IL13RA2: variants seen among roughly 807,000 people sequenced by gnomAD.
The protein encoded by IL13RA2 is interleukin-13 receptor subunit alpha-2.
In IL13RA2, 25 loss-of-function variants were observed where a neutral mutation model predicts 34.1. That is an observed-to-expected ratio of 0.73 (90% CI 0.53 to 1.03). The LOEUF (loss-of-function observed/expected upper bound fraction) is 1.03. Among genes scored for constraint, IL13RA2 ranks in the 50% least tolerant of loss-of-function variants. The pLI, the probability that IL13RA2 is intolerant of heterozygous loss-of-function variation, is 0.00. For missense variants in IL13RA2, 297 were observed against 280.9 expected (o/e 1.06, Z -0.41); for synonymous variants, 106 against 100.4 (o/e 1.06, Z -0.33).
At chrX:115,009,991 TACTAC>T (rs1255462425) in intron 6 of IL13RA2, among the ~76,000 whole-genome samples, 1 of 112,015 alleles carries the variant, frequency 8.9e-6, no homozygotes, top group African/African-American at 3.2e-5. Flanking sequence ...TCAACAATAC[TACTAC>T]TTTTACAAAT....
chrX:115,016,044 C>G (rs2071725983), intron 2 of IL13RA2, among the ~76,000 whole-genome samples: 1 of 111,611 alleles, frequency 9.0e-6, no homozygotes, highest in Admixed American at 9.6e-5. Flanking sequence ...AGAAGCCAGA[C>G]ACAAAAGACC....
rs1556510398 is a variant in IL13RA2, at chrX:115,017,279, A to G, written c.-10T>C. 6.6e-6 allele frequency: 5 copies of G among 755,511 alleles called. No individual in the cohort carries two copies. The highest frequency in any genetic ancestry group is 1.0e-5 in the Non-Finnish European group (5 of 482,432). 62.3% of individuals were successfully genotyped at this position (755,511 alleles called of 1,213,427 possible). A position where few individuals can be genotyped will look rare whatever the true frequency, so the allele number is the denominator to read the frequency against. On this transcript the variant is annotated 5_prime_UTR_variant, in exon 2 of 10. Transcript: ENST00000243213. ...AGCAAACGAAAGCCATTTCTCCGAG[A>G]TTTAAAACCTTGATATTGCCTCTCT...
At chrX:115,011,697 G>A (rs1255530637) in intron 5 of IL13RA2, among the ~76,000 whole-genome samples, 1 of 111,870 alleles carries the variant, frequency 8.9e-6, no homozygotes, top group Non-Finnish European at 1.9e-5. Flanking sequence ...GTTGTCTCTT[G>A]GTTAGTTCAC....
At chrX:115,008,847 T>C (rs1046695036) in intron 7 of IL13RA2, among the ~76,000 whole-genome samples, 5 of 111,908 alleles carry the variant, frequency 4.5e-5, no homozygotes, top group African/African-American at 1.6e-4. Context: ...GGGAACCAGA[T>C]CTGATATCTA....
intron 9 of IL13RA2, among the ~76,000 whole-genome samples, chrX:115,004,497 C>T (rs2071677346): frequency 9.4e-6 from 1 of 106,886 alleles, no homozygotes; most frequent in Non-Finnish European, 1.9e-5. Context: ...GTCCCAGCTA[C>T]CCAGGAGGCT....
At chrX:115,006,073 T>C (rs782750503) in intron 8 of IL13RA2, among the ~76,000 whole-genome samples, 3 of 111,795 alleles carry the variant, frequency 2.7e-5, no homozygotes, top group Non-Finnish European at 5.6e-5. Context: ...TTCCTCACGA[T>C]CTTGTTTTCT....
Position 115,010,786 on chromosome X carries a change from G to T in IL13RA2, c.564C>A (p.Ile188=). 1 of 1,135,347 alleles carries T rather than the reference G, an allele frequency of 8.8e-7. No homozygotes were observed. The allele number at this position is 1,135,347 out of a possible 1,213,427, so 93.6% of individuals were successfully genotyped here. A position where few individuals can be genotyped will look rare whatever the true frequency, so the allele number is the denominator to read the frequency against. Residue 188 remains isoleucine, a synonymous_variant, in exon 6 of 10, where the codon ATC becomes ATA. Transcript: ENST00000243213. ...ATCCTATATTTTGTCCATCAGCCTT[G>T]ATGTAATCAACACACTGTAATGCAT... ...LDHALQCVDY[I]KADGQNIGCR...
chrX:115,005,271 A>C lies in IL13RA2; in HGVS notation c.1042T>G (p.Phe348Val), dbSNP rs1043883437. Residue 348 changes from phenylalanine (F) to valine (V), a missense_variant, in exon 9 of 10, where the codon TTT (phenylalanine) becomes GTT (valine). Physicochemically the swap from Phe to Val is conservative, Grantham distance 50. Coordinates refer to ENST00000243213, the MANE Select transcript of IL13RA2 (RefSeq NM_000640.3). ...ATAACTAATATTAAGATGAAACCAA[A>C]TGGTAGCCAGAAACGTAGCAAAGTT... ...KKTLLRFWLP[F>V]GFILILVIFV... 2.6e-6 allele frequency: 3 copies of C among 1,144,706 alleles called. No homozygotes were observed. The highest frequency in any genetic ancestry group is 3.6e-6 in the Non-Finnish European group (3 of 834,233). The allele number at this position is 1,144,706 out of a possible 1,213,427, so 94.3% of individuals were successfully genotyped here.
chrX:115,011,064 C>T (rs974699002), intron 5 of IL13RA2, among the ~76,000 whole-genome samples: 1 of 111,397 alleles, frequency 9.0e-6, no homozygotes, highest in Admixed American at 9.6e-5. Flanking sequence ...TGGGAGTCCT[C>T]GCAAAATCTC....
At chrX:115,012,052 A>C (rs1315828592) in intron 5 of IL13RA2, among the ~76,000 whole-genome samples, 2 of 112,409 alleles carry the variant, frequency 1.8e-5, no homozygotes, top group African/African-American at 3.2e-5. Context: ...TTACTTGCCC[A>C]AGGCCGCCAA....
Position 115,009,294 on chromosome X carries a change from A to C in IL13RA2, c.852+227T>G, listed in dbSNP as rs1046189619. ...CACCAACTTTAATTTATTGACACAA[A>C]ATTGAAAACAAGTGACTAGATAATC... On this transcript the variant is annotated intron_variant, in intron 7 of 9. Transcript: ENST00000243213. Among the ~76,000 whole-genome samples, 16 of 110,924 alleles carry C rather than the reference A, an allele frequency of 1.4e-4. 1 individual carries two copies. The Admixed American group carries it at 1.5e-3, about 11-fold the overall frequency.
chrX:115,008,063 T>G lies in IL13RA2; in HGVS notation c.866A>C (p.Glu289Ala). 3.4e-6 allele frequency: 4 copies of G among 1,164,988 alleles called. No individual in the cohort carries two copies. Among genetic ancestry groups the G allele is most frequent in the Non-Finnish European group, 4.7e-6 (4 of 855,110 alleles). ...TGTTTTCAAGGTGTATGTTTCATTT[T>G]CAACTGTAGCAGTCTGAAAGCCAAG... ...DDTTLVTATV[E>A]NETYTLKTTN... Residue 289 changes from glutamate (E) to alanine (A), a missense_variant, in exon 8 of 10, where the codon GAA becomes GCA. Physicochemically the swap from Glu to Ala is moderately radical, Grantham distance 107. Coordinates refer to ENST00000243213, the MANE Select transcript of IL13RA2 (RefSeq NM_000640.3).
intron 3 of IL13RA2, among the ~76,000 whole-genome samples, chrX:115,015,162 A>C (rs2071721281): frequency 8.9e-6 from 1 of 112,015 alleles, no homozygotes; most frequent in East Asian, 2.8e-4. Context: ...CTACAACAGA[A>C]ATCTTTGAAT....
Position 115,007,982 on chromosome X carries a change from C to T in IL13RA2, c.947G>A (p.Cys316Tyr). 1 of 1,120,311 alleles carries T rather than the reference C, an allele frequency of 8.9e-7. No homozygotes were observed. Among genetic ancestry groups the T allele is most frequent in the South Asian group, 1.8e-5 (1 of 54,346 alleles). The allele number at this position is 1,120,311 out of a possible 1,213,427, so 92.3% of individuals were successfully genotyped here. The change falls in exon 8 of 10, where the codon TGC (cysteine) becomes TAC (tyrosine). Residue 316 changes from cysteine (C) to tyrosine (Y), a missense_variant. Coordinates refer to ENST00000243213, the MANE Select transcript of IL13RA2 (RefSeq NM_000640.3). ...FVVRSKVNIY[C>Y]SDDGIWSEWS... ...CTCACTCCAAATTCCGTCATCTGAG[C>T]AATAAATATTCACTTTGCTTCTTAC... is the stretch of plus-strand genomic sequence containing the variant.
intron 3 of IL13RA2, 23 bp downstream of exon 3, chrX:115,015,647 C>A: frequency 8.5e-7 from 1 of 1,181,622 alleles, no homozygotes; most frequent in South Asian, 1.8e-5. Flanking sequence ...CACTCTGATA[C>A]GGCAAATGCA....
At chrX:115,012,074 C>A (rs1304687672) in intron 5 of IL13RA2, among the ~76,000 whole-genome samples, 1 of 112,216 alleles carries the variant, frequency 8.9e-6, no homozygotes, top group African/African-American at 3.2e-5. Context: ...TTAAATGATG[C>A]TAGAGCAGGG....
At position 115,014,427 on chromosome X, in the gene IL13RA2, G is replaced by C; in HGVS notation, c.394C>G (p.Pro132Ala). The change falls in exon 4 of 10, where the codon CCA becomes GCA. Residue 132 changes from proline to alanine, a missense_variant. Transcript: ENST00000243213. The part of the protein sequence containing the change: ...SWAETTYWIS[P>A]QGIPETKVQD... The stretch of plus-strand genomic sequence containing the variant: ...AAGAGAGCTTTGTTTTAACCTTGTG[G>C]TGATATCCAATAAGTAGTTTCTGCC... The C allele has an allele frequency of 8.5e-7, 1 of 1,179,677 alleles. No homozygotes were observed. Among genetic ancestry groups the C allele is most frequent in the Non-Finnish European group, 1.1e-6 (1 of 870,397 alleles).
In IL13RA2 at chrX:115,005,269, A is replaced by T; in HGVS notation, c.1044T>A (p.Phe348Leu). 8.7e-7 allele frequency: 1 copy of T among 1,148,549 alleles called. No homozygotes were observed. Among genetic ancestry groups the T allele is most frequent in the South Asian group, 1.8e-5 (1 of 55,469 alleles). 94.7% of individuals were successfully genotyped at this position (1,148,549 alleles called of 1,213,427 possible). A position where few individuals can be genotyped will look rare whatever the true frequency, so the allele number is the denominator to read the frequency against. Residue 348 changes from phenylalanine (F) to leucine (L), a missense_variant, in exon 9 of 10, where the codon TTT (phenylalanine) becomes TTA (leucine). Physicochemically the swap from Phe to Leu is conservative, Grantham distance 22. Transcript: ENST00000243213. The part of the protein sequence containing the change: ...KKTLLRFWLP[F>L]GFILILVIFV... ...ATATAACTAATATTAAGATGAAACC[A>T]AATGGTAGCCAGAAACGTAGCAAAG... is the stretch of plus-strand genomic sequence containing the variant.
intron 5 of IL13RA2, 136 bp downstream of exon 5, chrX:115,013,633 G>A (rs2071714968): frequency 4.6e-6 from 2 of 438,506 alleles, no homozygotes; most frequent in East Asian, 4.1e-5. Context: ...TCAAATAATT[G>A]TAAACAATTA....
Sources: allele counts gnomAD v4.1 joint callset (sites outside exome capture counted in the v4.1 genomes callset), GRCh38; gene constraint gnomAD v4.1.1; transcripts MANE v1.5; gene names NCBI Gene and HGNC (gene_info 2026-07-23, HGNC 2026-07-21).